The following SH3D19 variants were observed in gnomAD, a reference collection of about 807,000 sequenced individuals.
The protein encoded by SH3D19 is SH3 domain containing 19.
SH3D19 carries 58 observed loss-of-function variants against 112.1 expected under a neutral mutation model. The observed-to-expected ratio is 0.52, with a 90% confidence interval of 0.42 to 0.64. The LOEUF (loss-of-function observed/expected upper bound fraction) is 0.64. Ranked by LOEUF, SH3D19 falls within the 30% of genes least tolerant of loss-of-function variation. SH3D19 has a pLI of 0.00. For missense variants in SH3D19, 1,090 were observed against 1,263.4 expected (o/e 0.86, Z 2.08); for synonymous variants, 391 against 448.5 (o/e 0.87, Z 1.62).
At chr4:151,287,377 A>G (rs907821299) in intron 1 of SH3D19, among the ~76,000 whole-genome samples, 1 of 151,706 alleles carries the variant, frequency 6.6e-6, no homozygotes, top group African/African-American at 2.4e-5. Flanking sequence ...AACACTTCCC[A>G]ACTCATTCGA....
chr4:151,154,372 G>A (rs543981745), intron 9 of SH3D19, among the ~76,000 whole-genome samples: 65 of 150,704 alleles, frequency 4.3e-4, no homozygotes, highest in South Asian at 3.5e-3. Context: ...GACCTCAGGC[G>A]ATCCGCCCGC....
At chr4:151,319,200 C>T (rs1730303989) in intron 1 of SH3D19, among the ~76,000 whole-genome samples, 1 of 152,168 alleles carries the variant, frequency 6.6e-6, no homozygotes, top group Admixed American at 6.5e-5. Context: ...AGGTGCCCAC[C>T]ACCACATCTG....
At chr4:151,298,180 A>AT (rs1775829069) in intron 1 of SH3D19, among the ~76,000 whole-genome samples, 3 of 115,964 alleles carry the variant, frequency 2.6e-5, no homozygotes, top group African/African-American at 9.4e-5. Flanking sequence ...CAGAATAATA[A>AT]ATTTTTTTTT....
chr4:151,165,945 T>C (rs985322448), intron 7 of SH3D19: 14 of 381,642 alleles, frequency 3.7e-5, no homozygotes, highest in African/African-American at 2.7e-4. Context: ...TCTTGAATTA[T>C]GTAGAAGCTG....
intron 1 of SH3D19, among the ~76,000 whole-genome samples, chr4:151,241,382 AAT>A (rs1424695431): frequency 6.6e-6 from 1 of 151,984 alleles, no homozygotes; most frequent in Non-Finnish European, 1.5e-5. Context: ...AAATGTCTAG[AAT>A]AAATAGGTCT....
At chr4:151,244,005 T>G (rs1041165719) in intron 1 of SH3D19, among the ~76,000 whole-genome samples, 1 of 152,238 alleles carries the variant, frequency 6.6e-6, no homozygotes, top group Non-Finnish European at 1.5e-5. Context: ...CAGAGCCTTA[T>G]GTACATTTGT....
At chr4:151,264,181 C>T (rs1772591544) in intron 1 of SH3D19, among the ~76,000 whole-genome samples, 1 of 152,000 alleles carries the variant, frequency 6.6e-6, no homozygotes, top group Non-Finnish European at 1.5e-5. Flanking sequence ...GTCTGTAATC[C>T]CAGCTTTGGG....
chr4:151,187,945 G>C (rs551523928), intron 2 of SH3D19, among the ~76,000 whole-genome samples: 5 of 152,092 alleles, frequency 3.3e-5, no homozygotes, highest in African/African-American at 1.2e-4. Flanking sequence ...AAATAATCTT[G>C]TGAGACTTTC....
chr4:151,264,089 G>A (rs1772584239), intron 1 of SH3D19, among the ~76,000 whole-genome samples: 2 of 152,094 alleles, frequency 1.3e-5, no homozygotes, highest in African/African-American at 4.8e-5. Flanking sequence ...ACAGGCATGG[G>A]CAACCATGCC....
In SH3D19 at chr4:151,128,317, T is replaced by C; in HGVS notation, c.2782A>G (p.Ser928Gly). 6.2e-7 allele frequency: 1 copy of C among 1,614,042 alleles called. No homozygotes were observed. The highest frequency in any genetic ancestry group is 1.1e-5 in the South Asian group (1 of 91,038). ...TCATCACTGGTCTCTGCTGTAAAAC[T>C]GTGAAGAGCTTCACACCATTCTGCC... Reference protein sequence around the residue: ...LPAEWCEALHSFTAETSDDLS... With the variant: ...LPAEWCEALHGFTAETSDDLS... Residue 928 changes from serine (S) to glycine (G), a missense_variant, in exon 18 of 20, where the codon AGT becomes GGT. By Grantham distance (56) the Ser-to-Gly change is moderately conservative. Transcript: ENST00000604030.
chr4:151,217,069 T>C (rs2149924945), intron 2 of SH3D19, among the ~76,000 whole-genome samples: 1 of 152,314 alleles, frequency 6.6e-6, no homozygotes, highest in South Asian at 2.1e-4. Flanking sequence ...AAGTAATGTT[T>C]CTCTTATTGC....
At chr4:151,187,042 CCTTGGCCTCCCAAAGTGCTGGGATT>C (rs1761908290) in intron 3 of SH3D19, among the ~76,000 whole-genome samples, 1 of 151,172 alleles carries the variant, frequency 6.6e-6, no homozygotes. Context: ...GATCCGCCTG[CCTTGGCCTCCCAAAGTGCTGGGATT>C]ACAGGCATGA....
In SH3D19 at chr4:151,133,095, A is replaced by G. The variant is rs1317417153; in HGVS notation, c.2628T>C (p.Ile876=). The G allele has an allele frequency of 1.2e-6, 2 of 1,614,000 alleles. No homozygotes were observed. The highest frequency in any genetic ancestry group is 1.7e-6 in the Non-Finnish European group (2 of 1,179,966). The change falls in exon 16 of 20, where the codon ATT becomes ATC. Residue 876 remains isoleucine (I), a synonymous_variant. Coordinates refer to ENST00000604030, the MANE Select transcript of SH3D19 (RefSeq NM_001378122.1). ...ARGEVRGRTG[I]FPLNFVEPVE... ...CAGGCTCCACAAAGTTCAGGGGGAAAATCCCAGTTCTGCCTCGAACTTCTC... is the reference window on the plus strand; with the variant it reads ...CAGGCTCCACAAAGTTCAGGGGGAAGATCCCAGTTCTGCCTCGAACTTCTC...
intron 2 of SH3D19, among the ~76,000 whole-genome samples, chr4:151,191,327 C>T (rs1327413942): frequency 6.6e-6 from 1 of 152,138 alleles, no homozygotes; most frequent in Non-Finnish European, 1.5e-5. Flanking sequence ...GGGACTCTTA[C>T]GAAGGCATGA....
chr4:151,318,330 GA>G (rs1730214947), intron 1 of SH3D19, among the ~76,000 whole-genome samples: 1 of 142,682 alleles, frequency 7.0e-6, no homozygotes, highest in Non-Finnish European at 1.5e-5. Flanking sequence ...AAGAAAGAAA[GA>G]AAAAGAAAAG....
intron 2 of SH3D19, among the ~76,000 whole-genome samples, chr4:151,214,278 A>T (rs1354509403): frequency 4.0e-5 from 6 of 151,708 alleles, no homozygotes; most frequent in African/African-American, 1.2e-4. Context: ...CTTTCCACAC[A>T]GACACGGCAA....
intron 1 of SH3D19, among the ~76,000 whole-genome samples, chr4:151,255,336 C>T (rs1166278923): frequency 6.6e-6 from 1 of 151,454 alleles, no homozygotes; most frequent in Non-Finnish European, 1.5e-5. Flanking sequence ...AGATGCTCCT[C>T]ACCTCCCAGA....
intron 1 of SH3D19, among the ~76,000 whole-genome samples, chr4:151,275,646 G>A (rs1163449622): frequency 1.3e-5 from 2 of 151,830 alleles, no homozygotes; most frequent in Non-Finnish European, 2.9e-5. Context: ...TCAGCCTCCC[G>A]AGTAGCTGGG....
chr4:151,183,030 C>T (rs1301551724), intron 3 of SH3D19, among the ~76,000 whole-genome samples: 2 of 144,754 alleles, frequency 1.4e-5, no homozygotes, highest in African/African-American at 2.6e-5. Flanking sequence ...CTCTCTCTGT[C>T]GCCCAGGCTG....
Sources: allele counts gnomAD v4.1 joint callset (sites outside exome capture counted in the v4.1 genomes callset), GRCh38; gene constraint gnomAD v4.1.1; transcripts MANE v1.5; gene names NCBI Gene and HGNC (gene_info 2026-07-23, HGNC 2026-07-21).